The following STRBP variants were observed in gnomAD, a reference collection of about 807,000 sequenced individuals.
STRBP encodes spermatid perinuclear RNA-binding protein.
Under a neutral mutation model 80.1 loss-of-function variants are expected in STRBP, and 13 were observed. That is an observed-to-expected ratio of 0.16 (90% confidence interval 0.11 to 0.26). The LOEUF (loss-of-function observed/expected upper bound fraction) is 0.26. Ranked by LOEUF, STRBP falls within the 10% of genes least tolerant of loss-of-function variation. The pLI is 1.00. For synonymous variants in STRBP, 284 were observed against 291.2 expected, an observed-to-expected ratio of 0.98 and a Z score of 0.25; for missense variants, 485 against 815.2, an observed-to-expected ratio of 0.59 and a Z score of 4.93.
chr9:123,258,402 A>G (rs1377198337), intron 1 of STRBP, among the ~76,000 whole-genome samples: 1 of 152,198 alleles, frequency 6.6e-6, no homozygotes, highest in Non-Finnish European at 1.5e-5. Flanking sequence ...CCTCACTGAA[A>G]ATGAGAGACA....
chr9:123,167,437 G>T (rs761484816), intron 6 of STRBP, among the ~76,000 whole-genome samples: 2 of 152,164 alleles, frequency 1.3e-5, no homozygotes, highest in African/African-American at 2.4e-5. Flanking sequence ...TGTCTAGTGT[G>T]AGAAAACAGA....
At chr9:123,163,474 C>T (rs2037613447) in intron 6 of STRBP, among the ~76,000 whole-genome samples, 1 of 152,190 alleles carries the variant, frequency 6.6e-6, no homozygotes, top group Non-Finnish European at 1.5e-5. Flanking sequence ...GCACCAGGTT[C>T]CCTTTTCCAT....
In STRBP at chr9:123,187,839, A is replaced by G. The variant is rs542356089; in HGVS notation, c.-164-3541T>C. On this transcript the variant is annotated intron_variant, in intron 2 of 18. Transcript: ENST00000348403. ...ACCTTAGTGTGGTACATTTGTTACC[A>G]CTGATAAACCAATGTTGATACATTA... is the stretch of plus-strand genomic sequence containing the variant. 1.5e-4 allele frequency among the ~76,000 whole-genome samples: 22 copies of G among 143,462 alleles called. No homozygotes were observed. In the South Asian group the frequency reaches 4.7e-3, roughly 31 times the overall value. 94.1% of individuals were successfully genotyped at this position (143,462 alleles called of 152,430 possible). A position where few individuals can be genotyped will look rare whatever the true frequency, so the allele number is the denominator to read the frequency against.
chr9:123,127,642 C>G (rs1323933063), intron 18 of STRBP, among the ~76,000 whole-genome samples: 1 of 152,168 alleles, frequency 6.6e-6, no homozygotes, highest in Non-Finnish European at 1.5e-5. Flanking sequence ...CTATGATATT[C>G]TAGCATGTAC....
chr9:123,247,712 G>A (rs2040826837), intron 1 of STRBP, among the ~76,000 whole-genome samples: 1 of 152,182 alleles, frequency 6.6e-6, no homozygotes, highest in Admixed American at 6.5e-5. Flanking sequence ...TGTGTAAAAT[G>A]CATATCACAG....
intron 2 of STRBP, among the ~76,000 whole-genome samples, chr9:123,236,015 C>T (rs2040551576): frequency 6.6e-6 from 1 of 152,184 alleles, no homozygotes; most frequent in Non-Finnish European, 1.5e-5. Flanking sequence ...TTACCACAAA[C>T]TCTACAACTT....
At position 123,241,495 on chromosome 9, in the gene STRBP, C is replaced by G. The variant is rs139874310; in HGVS notation, c.-301-4529G>C. On this transcript the variant is annotated intron_variant, in intron 1 of 18. Transcript: ENST00000348403. ...CTGCACTCCAGCCAGGGTAACAGAG[C>G]AAGACCTTGTCAACCCGCACACACA... is the stretch of plus-strand genomic sequence containing the variant. 7.2e-3 allele frequency among the ~76,000 whole-genome samples: 1,089 copies of G among 151,748 alleles called. 12 individuals carry two copies. Among genetic ancestry groups the G allele is most frequent in the African/African-American group, 0.025 (1,032 of 41,340 alleles).
intron 13 of STRBP, among the ~76,000 whole-genome samples, chr9:123,146,623 A>G (rs964169050): frequency 6.6e-6 from 1 of 150,616 alleles, no homozygotes; most frequent in Non-Finnish European, 1.5e-5. Context: ...AAAATGTTCA[A>G]TTGACATATT....
intron 1 of STRBP, among the ~76,000 whole-genome samples, chr9:123,251,443 A>G (rs898170927): frequency 1.3e-5 from 2 of 152,156 alleles, no homozygotes; most frequent in Non-Finnish European, 2.9e-5. Context: ...TGGAATCAGG[A>G]CTCAAAATCA....
intron 13 of STRBP, among the ~76,000 whole-genome samples, chr9:123,144,218 A>G (rs1319185900): frequency 6.6e-6 from 1 of 151,688 alleles, no homozygotes; most frequent in Admixed American, 6.6e-5. Context: ...AAAAAAAGAA[A>G]GAAAGAAAGA....
intron 6 of STRBP, among the ~76,000 whole-genome samples, chr9:123,168,817 C>G (rs1183058226): frequency 6.6e-6 from 1 of 152,154 alleles, no homozygotes; most frequent in African/African-American, 2.4e-5. Flanking sequence ...GCTAACTTGA[C>G]AGGATAAAAA....
At chr9:123,206,342 C>T (rs140166827) in intron 2 of STRBP, among the ~76,000 whole-genome samples, 68 of 152,202 alleles carry the variant, frequency 4.5e-4, no homozygotes, top group African/African-American at 1.5e-3. Flanking sequence ...GAATATTTGA[C>T]ATTTGGGGAT....
intron 3 of STRBP, among the ~76,000 whole-genome samples, chr9:123,183,514 T>C (rs1288291119): frequency 6.6e-6 from 1 of 151,646 alleles, no homozygotes; most frequent in Non-Finnish European, 1.5e-5. Flanking sequence ...GAACTCATAA[T>C]ACTAAGGGAA....
chr9:123,234,412 C>A (rs1220424035), intron 2 of STRBP, among the ~76,000 whole-genome samples: 1 of 150,548 alleles, frequency 6.6e-6, no homozygotes, highest in Non-Finnish European at 1.5e-5. Flanking sequence ...GAATCACAGA[C>A]TGTTAAAACT....
rs1554775151 is a variant in STRBP, at chr9:123,268,585, T to TCGGCGGCGGCAG, written c.-452_-451insCTGCCGCCGCCG. On this transcript the variant is annotated 5_prime_UTR_variant, in exon 1 of 19. Transcript: ENST00000348403. ...GGCGCTCGCGGCTCCGGTCTCCGCT[T>TCGGCGGCGGCAG]CGGCGGCGGCAGCGGCGGCAGCGAG... is the stretch of plus-strand genomic sequence containing the variant. The TCGGCGGCGGCAG allele has an allele frequency of 6.1e-6, 1 of 163,090 alleles. No homozygotes were observed. The highest frequency in any genetic ancestry group is 6.5e-5 in the Admixed American group (1 of 15,346). 10.1% of individuals were successfully genotyped at this position (163,090 alleles called of 1,614,324 possible).
chr9:123,111,982 G>C (rs2035574733), intron 3 of STRBP: 1 of 180,090 alleles, frequency 5.6e-6, no homozygotes, highest in Non-Finnish European at 1.3e-5. Flanking sequence ...CAACTTCACC[G>C]AGAGGAAGCA....
At chr9:123,241,559 T>C (rs1040006433) in intron 1 of STRBP, among the ~76,000 whole-genome samples, 5 of 151,966 alleles carry the variant, frequency 3.3e-5, no homozygotes, top group Admixed American at 3.3e-4. Context: ...AAACATACCT[T>C]GTTCCTCTCC....
chr9:123,164,777 C>T (rs1005518348), intron 6 of STRBP, among the ~76,000 whole-genome samples: 1 of 152,212 alleles, frequency 6.6e-6, no homozygotes, highest in Non-Finnish European at 1.5e-5. Context: ...CTGGCAGCCC[C>T]TTCTCTCTCA....
chr9:123,234,330 GA>G (rs1284960449), intron 2 of STRBP, among the ~76,000 whole-genome samples: 1 of 146,228 alleles, frequency 6.8e-6, no homozygotes, highest in Non-Finnish European at 1.5e-5. Flanking sequence ...AGACTATTCA[GA>G]AGACAAAAAA....
Sources: gnomAD v4.1 joint callset for allele counts (sites outside exome capture counted in the v4.1 genomes callset) on GRCh38, gnomAD v4.1.1 for gene constraint, MANE v1.5 for transcripts, NCBI Gene and HGNC (gene_info 2026-07-23, HGNC 2026-07-21) for gene names.